MCF2L: variants seen among roughly 807,000 people sequenced by gnomAD.
MCF2L encodes the protein guanine nucleotide exchange factor DBS.
A neutral mutation model predicts 153.4 loss-of-function variants in MCF2L; 97 were observed. The ratio of observed to expected loss-of-function variants is 0.63; its 90% CI spans 0.54 to 0.75. MCF2L has a LOEUF of 0.75. Ranked by LOEUF, MCF2L falls within the 30% of genes least tolerant of loss-of-function variation. The pLI is 0.00. For synonymous variants in MCF2L, 659 were observed against 632.2 expected (o/e 1.04, Z -0.64); for missense variants, 1,347 against 1,495.2 (o/e 0.90, Z 1.64).
chr13:112,998,456 A>C (rs1221411582), intron 1 of MCF2L, among the ~76,000 whole-genome samples: 1 of 152,154 alleles, frequency 6.6e-6, no homozygotes, highest in African/African-American at 2.4e-5. Context: ...TGGAGGCCTC[A>C]CCAAGGAGGC....
intron 2 of MCF2L, among the ~76,000 whole-genome samples, chr13:112,962,469 C>T (rs2081843393): frequency 6.6e-6 from 1 of 152,194 alleles, no homozygotes; most frequent in African/African-American, 2.4e-5. Context: ...AGGAGCCAGC[C>T]ATGGGGGTGG....
In MCF2L at chr13:112,907,578, T is replaced by A. The variant is rs922689025; in HGVS notation, c.169+5207T>A. ...TGAATCTGACGGGGGAAGATGTGTT[T>A]CTTCACATCTTCAGGCTCCTTCTGT... On this transcript the variant is annotated intron_variant, in intron 2 of 29. Coordinates refer to the MCF2L transcript ENST00000375608. This position sits in a 1 kb window ranked among gnomAD's most constrained non-coding sequence, Gnocchi z 5.1. 6.6e-5 allele frequency among the ~76,000 whole-genome samples: 10 copies of A among 152,178 alleles called. No individual in the cohort carries two copies. The highest frequency in any genetic ancestry group is 6.5e-4 in the Admixed American group (10 of 15,280).
chr13:113,095,993 C>A, intron 27 of MCF2L: 1 of 363,988 alleles, frequency 2.7e-6, no homozygotes, highest in South Asian at 2.8e-5. Context: ...GGGCAGAGGA[C>A]GGGCGAGTCG....
chr13:112,914,003 A>G (rs2081263643), intron 2 of MCF2L, among the ~76,000 whole-genome samples: 1 of 152,088 alleles, frequency 6.6e-6, no homozygotes, highest in African/African-American at 2.4e-5. Flanking sequence ...GTTGGGACGT[A>G]ATTCCCCGTT....
chr13:113,077,785 G>T (rs910195558), intron 13 of MCF2L, among the ~76,000 whole-genome samples: 1 of 152,154 alleles, frequency 6.6e-6, no homozygotes. Context: ...GTCTCAAAAC[G>T]AACCCTCTTC....
rs964007644 is a variant in MCF2L, at chr13:112,907,551, C to T, written c.169+5180C>T. On this transcript the variant is annotated intron_variant, in intron 2 of 29. Coordinates refer to the MCF2L transcript ENST00000375608. The surrounding 1 kb of genome is among the most constrained non-coding windows in gnomAD (Gnocchi z 5.1). ...TTTGCAGGGGCTGTAGTTGTGCATT[C>T]GTGAATCTGACGGGGGAAGATGTGT... Among the ~76,000 whole-genome samples, 1 of 152,120 alleles carries T rather than the reference C, an allele frequency of 6.6e-6. No individual in the cohort carries two copies. The highest frequency in any genetic ancestry group is 2.4e-5 in the African/African-American group (1 of 41,418).
At position 113,031,982 on chromosome 13, in the gene MCF2L, G is replaced by T. The variant is rs1470741758; in HGVS notation, c.278+7224G>T. Among the ~76,000 whole-genome samples the T allele has an allele frequency of 6.6e-6, 1 of 152,148 alleles. No homozygotes were observed. Among genetic ancestry groups the T allele is most frequent in the Non-Finnish European group, 1.5e-5 (1 of 68,028 alleles). On this transcript the variant is annotated intron_variant, in intron 3 of 29. Coordinates refer to ENST00000535094, the MANE Select transcript of MCF2L (RefSeq NM_001112732.3). The surrounding 1 kb of genome is among the most constrained non-coding windows in gnomAD (Gnocchi z 5.5). ...CGTGCGCACACACACACATGCAAGT[G>T]CATGCATACCCCCCCACAGACCTGC... is the stretch of plus-strand genomic sequence containing the variant.
chr13:113,093,519 C>T (rs986269147), intron 26 of MCF2L: 3 of 152,320 alleles, frequency 2.0e-5, no homozygotes, highest in African/African-American at 7.2e-5. Context: ...TGCAAGACAG[C>T]TTGCTGTGGC....
At chr13:113,002,038 G>C (rs2083410402) in intron 1 of MCF2L, 3 of 1,466,720 alleles carry the variant, frequency 2.0e-6, no homozygotes, top group Non-Finnish European at 2.7e-6. Flanking sequence ...TGGGGCGACA[G>C]TGCGGGGACG....
intron 26 of MCF2L, among the ~76,000 whole-genome samples, chr13:113,092,860 G>A (rs193139960): frequency 3.7e-4 from 56 of 152,358 alleles, no homozygotes; most frequent in Non-Finnish European, 6.3e-4. Context: ...GAGCACCCAC[G>A]GCCAGGGCAG....
intron 25 of MCF2L, 57 bp from the exon 26 acceptor site, chr13:113,089,553 C>G: frequency 8.1e-7 from 1 of 1,231,120 alleles, no homozygotes; most frequent in Non-Finnish European, 1.2e-6. Flanking sequence ...TCAGGGCGTT[C>G]TGAAAGACTA....
intron 2 of MCF2L, among the ~76,000 whole-genome samples, chr13:112,945,047 G>A (rs965173762): frequency 1.3e-5 from 2 of 150,380 alleles, no homozygotes; most frequent in Non-Finnish European, 2.9e-5. Flanking sequence ...GATGGTGCAG[G>A]GTGGGCCCTG....
At position 113,046,302 on chromosome 13, in the gene MCF2L, C is replaced by T. The variant is rs2086809448; in HGVS notation, c.369+941C>T. On this transcript the variant is annotated intron_variant, in intron 4 of 29. Transcript: ENST00000535094. The surrounding 1 kb of genome is among the most constrained non-coding windows in gnomAD (Gnocchi z 4.4). ...CAAGAGGTGACCCAGAGCCTGGGTC[C>T]AGGCACCTGCATGTTCTCACGCCCG... 3 of 285,698 alleles carry T rather than the reference C, an allele frequency of 1.1e-5. No individual in the cohort carries two copies. Among genetic ancestry groups the T allele is most frequent in the South Asian group, 9.6e-5 (3 of 31,232 alleles). 17.7% of individuals were successfully genotyped at this position (285,698 alleles called of 1,614,324 possible). A position where few individuals can be genotyped will look rare whatever the true frequency, so the allele number is the denominator to read the frequency against.
At position 113,051,177 on chromosome 13, in the gene MCF2L, G is replaced by C. The variant is rs922588176; in HGVS notation, c.369+5816G>C. 3.9e-5 allele frequency among the ~76,000 whole-genome samples: 6 copies of C among 152,322 alleles called. No individual in the cohort carries two copies. In the South Asian group the frequency reaches 8.3e-4, roughly 21 times the overall value. On this transcript the variant is annotated intron_variant, in intron 4 of 29. Coordinates refer to ENST00000535094, the MANE Select transcript of MCF2L (RefSeq NM_001112732.3). Reference sequence around the variant, plus strand: ...GGCTGTCTCCTCCGCACCAGCTGCTGTGGCAAATGCGTTTCAGCGCACCCT... The same window carrying C: ...GGCTGTCTCCTCCGCACCAGCTGCTCTGGCAAATGCGTTTCAGCGCACCCT...
chr13:112,949,834 A>G (rs1359288994), intron 2 of MCF2L, among the ~76,000 whole-genome samples: 1 of 152,212 alleles, frequency 6.6e-6, no homozygotes, highest in Non-Finnish European at 1.5e-5. Context: ...AATATCAGGT[A>G]CAAGGTAAGG....
At position 113,028,719 on chromosome 13, in the gene MCF2L, C is replaced by T. The variant is rs766539052; in HGVS notation, c.278+3961C>T. Among the ~76,000 whole-genome samples the T allele has an allele frequency of 2.6e-5, 4 of 152,226 alleles. No individual in the cohort carries two copies. The highest frequency in any genetic ancestry group is 5.9e-5 in the Non-Finnish European group (4 of 68,042). On this transcript the variant is annotated intron_variant, in intron 3 of 29. Coordinates refer to ENST00000535094, the MANE Select transcript of MCF2L (RefSeq NM_001112732.3). The surrounding 1 kb of genome is among the most constrained non-coding windows in gnomAD (Gnocchi z 5.4). ...CTAAATCAGATCCTGGAAATGCCAG[C>T]TTCATTCAGCCATGAGCAGTGCTGC...
rs2081981143 is a variant in MCF2L at position 112,969,874 on chromosome 13, G to A, written c.79+416G>A. On this transcript the variant is annotated intron_variant, in intron 1 of 29. Coordinates refer to ENST00000535094, the MANE Select transcript of MCF2L (RefSeq NM_001112732.3). This position sits in a 1 kb window ranked among gnomAD's most constrained non-coding sequence, Gnocchi z 4.8. ...GTGAAGCTACCTGGAAGCTCGTTTT[G>A]AGGATGAAAAAACCTGGACTAATCA... 6.6e-6 allele frequency among the ~76,000 whole-genome samples: 1 copy of A among 152,178 alleles called. No homozygotes were observed. The highest frequency in any genetic ancestry group is 2.4e-5 in the African/African-American group (1 of 41,442).
At position 113,097,156 on chromosome 13, in the gene MCF2L, T is replaced by C. The variant is rs7328718; in HGVS notation, c.*297T>C. 0.99 allele frequency: 305,565 copies of C among 308,012 alleles called. 151,611 individuals are homozygous for C. The highest frequency in any genetic ancestry group is 1 in the East Asian group (18,660 of 18,660). The allele number at this position is 308,012 out of a possible 1,614,324, so 19.1% of individuals were successfully genotyped here. A position where few individuals can be genotyped will look rare whatever the true frequency, so the allele number is the denominator to read the frequency against. On this transcript the variant is annotated 3_prime_UTR_variant, in exon 30 of 30. Transcript: ENST00000535094. ...GGCTCCACCGTGCTGCTTCTGCCTC[T>C]GGACGGTGCTTTCAGGGGACGCGCG...
chr13:113,083,095 G>A (rs1269872668), intron 17 of MCF2L, among the ~76,000 whole-genome samples: 1 of 152,198 alleles, frequency 6.6e-6, no homozygotes, highest in Non-Finnish European at 1.5e-5. Context: ...CCACTCCTCT[G>A]AGCTGTTTGG....
Sources: allele counts gnomAD v4.1 joint callset (sites outside exome capture counted in the v4.1 genomes callset), GRCh38; gene constraint gnomAD v4.1.1; non-coding constraint Gnocchi (gnomAD v3.1); transcripts MANE v1.5; gene names NCBI Gene and HGNC (gene_info 2026-07-23, HGNC 2026-07-21).